Variants in SCAPER observed in about 807,000 individuals in gnomAD.
SCAPER encodes S phase cyclin A-associated protein in the endoplasmic reticulum.
Under a neutral mutation model 182.2 loss-of-function variants are expected in SCAPER, and 98 were observed. That is an observed-to-expected ratio of 0.54 (90% confidence interval 0.46 to 0.64). The LOEUF (loss-of-function observed/expected upper bound fraction) is 0.64. Ranked by LOEUF, SCAPER falls within the 30% of genes least tolerant of loss-of-function variation. The pLI is 0.00. For synonymous variants in SCAPER, 605 were observed against 564.6 expected (o/e 1.07, Z -1.01); for missense variants, 1,432 against 1,690.0 (o/e 0.85, Z 2.68).
At position 76,504,894 on chromosome 15, in the gene SCAPER, G is replaced by A. The variant is rs748437035; in HGVS notation, c.2919C>T (p.Ala973=). 2.5e-6 allele frequency: 4 copies of A among 1,611,820 alleles called. No homozygotes were observed. Among genetic ancestry groups the A allele is most frequent in the Middle Eastern group, 1.7e-4 (1 of 6,054 alleles). ...TTCTTAAAACTGTGTTCACATTTGT[G>A]GCTGGGACTACTGCTTGAAGGATGT... The part of the protein sequence containing the change: ...LEHILQAVVP[A]TNVNTVLRIP... Residue 973 remains alanine (A), a synonymous_variant, in exon 24 of 32, where the codon GCC becomes GCT. Transcript: ENST00000563290.
chr15:76,553,756 G>C (rs1024263422), intron 23 of SCAPER, among the ~76,000 whole-genome samples: 11 of 151,436 alleles, frequency 7.3e-5, no homozygotes, highest in Admixed American at 2.6e-4. Context: ...ATCAAAGCCA[G>C]TCAACAGAAC....
chr15:76,854,073 AC>A (rs1339263467), intron 4 of SCAPER, among the ~76,000 whole-genome samples: 2 of 152,102 alleles, frequency 1.3e-5, no homozygotes, highest in Admixed American at 6.5e-5. Flanking sequence ...GATCGAGACC[AC>A]CCTGGCCAAC....
chr15:76,357,342 C>A (rs905122147), intron 29 of SCAPER, among the ~76,000 whole-genome samples: 6 of 152,104 alleles, frequency 3.9e-5, no homozygotes, highest in Admixed American at 2.0e-4. Flanking sequence ...AAATGGCCAA[C>A]AAGCATATGA....
intron 25 of SCAPER, among the ~76,000 whole-genome samples, chr15:76,466,419 C>CTCTTCTTTTTTTT (rs754649564): frequency 2.7e-5 from 1 of 37,394 alleles, no homozygotes; most frequent in African/African-American, 7.8e-5. Flanking sequence ...GTTGGTTCTT[C>CTCTTCTTTTTTTT]TTTTTTTTTT....
intron 21 of SCAPER, among the ~76,000 whole-genome samples, chr15:76,633,757 G>GCC (rs2053358703): frequency 1.3e-5 from 2 of 152,158 alleles, no homozygotes; most frequent in Admixed American, 1.3e-4. Context: ...TGTCCAAAAT[G>GCC]CCCAGTCTTA....
intron 26 of SCAPER, among the ~76,000 whole-genome samples, chr15:76,422,033 T>C (rs1048917977): frequency 1.3e-5 from 2 of 152,198 alleles, no homozygotes; most frequent in East Asian, 1.9e-4. Flanking sequence ...AGCCTTGTAG[T>C]ATAGTTTGAA....
chr15:76,734,606 T>C (rs2061131462), intron 15 of SCAPER, among the ~76,000 whole-genome samples: 1 of 152,084 alleles, frequency 6.6e-6, no homozygotes, highest in Non-Finnish European at 1.5e-5. Context: ...AGGCCAGGTG[T>C]GGTGGCTACG....
At chr15:76,362,399 T>C (rs970420190) in intron 29 of SCAPER, among the ~76,000 whole-genome samples, 10 of 151,408 alleles carry the variant, frequency 6.6e-5, no homozygotes, top group Admixed American at 3.9e-4. Flanking sequence ...AGGTCTGTAG[T>C]AGTTTCTTGC....
chr15:76,539,284 A>T (rs1213964849), intron 23 of SCAPER, among the ~76,000 whole-genome samples: 2 of 152,214 alleles, frequency 1.3e-5, no homozygotes. Context: ...TAGACAATGT[A>T]TTATAGGTAC....
Position 76,497,109 on chromosome 15 carries a change from C to CTTTTTTTTTTTTTTT in SCAPER, c.2954+7735_2954+7749dup, listed in dbSNP as rs57202860. On this transcript the variant is annotated intron_variant, in intron 24 of 31. Transcript: ENST00000563290. Reference sequence around the variant, plus strand: ...TCCCATGAAGCAGTTTTGGTCTCCTCTTTTTTTTTTTTTTTCCCAAAACGG... The same window carrying CTTTTTTTTTTTTTTT: ...TCCCATGAAGCAGTTTTGGTCTCCTCTTTTTTTTTTTTTTTTTTTTTTTTTTTTTTCCCAAAACGG... Among the ~76,000 whole-genome samples, 44 of 86,688 alleles carry CTTTTTTTTTTTTTTT rather than the reference C, an allele frequency of 5.1e-4. 2 individuals are homozygous for CTTTTTTTTTTTTTTT. The highest frequency in any genetic ancestry group is 5.9e-4 in the Non-Finnish European group (28 of 47,648). The allele number at this position is 86,688 out of a possible 152,430, so 56.9% of individuals were successfully genotyped here.
chr15:76,381,461 A>T lies in SCAPER; in HGVS notation c.3622T>A (p.Tyr1208Asn). 2 of 1,613,884 alleles carry T rather than the reference A, an allele frequency of 1.2e-6. No homozygotes were observed. The highest frequency in any genetic ancestry group is 1.7e-6 in the Non-Finnish European group (2 of 1,179,860). Residue 1208 changes from tyrosine (Y) to asparagine (N), a missense_variant, in exon 28 of 32, where the codon TAC becomes AAC. Physicochemically the swap from Tyr to Asn is moderately radical, Grantham distance 143. Around this residue, in one of 5 missense-constraint regions of SCAPER, gnomAD observed 718 missense variants for 799.7 expected, o/e 0.90. Coordinates refer to ENST00000563290, the MANE Select transcript of SCAPER (RefSeq NM_020843.4). The stretch of plus-strand genomic sequence containing the variant: ...GCCACTTGGATGGTATTTTGAGTGT[A>T]ATTCTCCTTGGGACTGGCAGTGCTG... ...DPSTASPKEN[Y>N]TQNTIQVAIQ...
chr15:76,816,136 A>T (rs551476319), intron 5 of SCAPER, among the ~76,000 whole-genome samples: 9 of 152,306 alleles, frequency 5.9e-5, no homozygotes, highest in African/African-American at 2.2e-4. Flanking sequence ...TGCTGCTGAG[A>T]CTTTATAAAC....
intron 22 of SCAPER, among the ~76,000 whole-genome samples, chr15:76,578,627 C>T (rs1445177011): frequency 6.6e-6 from 1 of 152,240 alleles, no homozygotes; most frequent in Non-Finnish European, 1.5e-5. Flanking sequence ...CTCTACGAGT[C>T]TATAAGAGCC....
intron 2 of SCAPER, among the ~76,000 whole-genome samples, chr15:76,870,544 A>T (rs1419234362): frequency 2.0e-5 from 3 of 152,094 alleles, no homozygotes; most frequent in Non-Finnish European, 4.4e-5. Context: ...AAAAGGATTG[A>T]AATTTTCTGC....
At chr15:76,827,818 T>C (rs2068135736) in intron 5 of SCAPER, among the ~76,000 whole-genome samples, 1 of 152,188 alleles carries the variant, frequency 6.6e-6, no homozygotes, top group African/African-American at 2.4e-5. Context: ...ATTGGTATAA[T>C]ACCTATGTCT....
chr15:76,779,129 G>A (rs1270566595), intron 8 of SCAPER, among the ~76,000 whole-genome samples: 1 of 151,864 alleles, frequency 6.6e-6, no homozygotes, highest in Non-Finnish European at 1.5e-5. Context: ...AACAGCAACT[G>A]ACAGAACTAT....
intron 23 of SCAPER, among the ~76,000 whole-genome samples, chr15:76,566,685 T>C (rs1231252034): frequency 6.6e-6 from 1 of 152,142 alleles, no homozygotes; most frequent in Admixed American, 6.6e-5. Flanking sequence ...CTTTTGCACA[T>C]GTAAGAGTAT....
At chr15:76,672,997 G>C (rs2057132955) in intron 20 of SCAPER, among the ~76,000 whole-genome samples, 2 of 151,802 alleles carry the variant, frequency 1.3e-5, no homozygotes, top group African/African-American at 4.8e-5. Context: ...CACTTACAAG[G>C]AAAAAAACTG....
chr15:76,702,910 A>G lies in SCAPER; in HGVS notation c.2340T>C (p.Asp780=). 6.2e-7 allele frequency: 1 copy of G among 1,611,632 alleles called. No individual in the cohort carries two copies. Among genetic ancestry groups the G allele is most frequent in the Non-Finnish European group, 8.5e-7 (1 of 1,179,186 alleles). ...ELSSGRHANT[D]YAPKLTPYER... is the part of the protein sequence containing the mutation. Reference sequence around the variant, plus strand: ...CATAAGGGGTCAGTTTGGGGGCATAATCAGTATTTGCATGTCGCCCACTGC... The same window carrying G: ...CATAAGGGGTCAGTTTGGGGGCATAGTCAGTATTTGCATGTCGCCCACTGC... The change falls in exon 19 of 32, where the codon GAT becomes GAC. Residue 780 remains aspartate (D), a synonymous_variant. Coordinates refer to ENST00000563290, the MANE Select transcript of SCAPER (RefSeq NM_020843.4).
Sources: gnomAD v4.1 joint callset for allele counts (sites outside exome capture counted in the v4.1 genomes callset) on GRCh38, gnomAD v4.1.1 for gene constraint, gnomAD v4.1.1 regional missense constraint, MANE v1.5 for transcripts, NCBI Gene and HGNC (gene_info 2026-07-23, HGNC 2026-07-21) for gene names.